Variants in SNX13 observed in about 807,000 individuals in gnomAD.
SNX13 encodes sorting nexin 13.
Under a neutral mutation model 133.6 loss-of-function variants are expected in SNX13, and 45 were observed. The ratio of observed to expected loss-of-function variants is 0.34; its 90% CI spans 0.27 to 0.43. SNX13 has a LOEUF of 0.43. Ranked by LOEUF, SNX13 falls within the 20% of genes least tolerant of loss-of-function variation. The pLI is 1.00. For missense variants in SNX13, 1,032 were observed against 1,145.1 expected (o/e 0.90, Z 1.43); for synonymous variants, 414 against 373.9 (o/e 1.11, Z -1.24).
intron 9 of SNX13, among the ~76,000 whole-genome samples, chr7:17,867,801 T>C (rs1793583983): frequency 1.3e-5 from 2 of 152,134 alleles, no homozygotes; most frequent in Non-Finnish European, 2.9e-5. Flanking sequence ...ATCAAAGTAT[T>C]CCCAGAAGGT....
chr7:17,837,271 C>T (rs1034787355), intron 13 of SNX13, among the ~76,000 whole-genome samples: 1 of 151,960 alleles, frequency 6.6e-6, no homozygotes, highest in Non-Finnish European at 1.5e-5. Context: ...GCTAAGAATA[C>T]AGCCTTGTGC....
At chr7:17,862,373 AT>A (rs2128338800) in intron 9 of SNX13, among the ~76,000 whole-genome samples, 1 of 152,314 alleles carries the variant, frequency 6.6e-6, no homozygotes, top group African/African-American at 2.4e-5. Context: ...TAAATTTTGC[AT>A]GTAAGTTTCT....
chr7:17,802,016 G>A (rs563526603), intron 21 of SNX13, among the ~76,000 whole-genome samples: 1 of 152,054 alleles, frequency 6.6e-6, no homozygotes, highest in East Asian at 1.9e-4. Context: ...GGTCCCATAA[G>A]ATTGTAATAC....
chr7:17,848,050 T>C (rs1476441173), intron 11 of SNX13, among the ~76,000 whole-genome samples: 2 of 152,066 alleles, frequency 1.3e-5, no homozygotes, highest in Non-Finnish European at 2.9e-5. Context: ...GTTTTCCTGC[T>C]CGAATGTTGC....
At chr7:17,827,129 G>A (rs981075024) in intron 16 of SNX13, among the ~76,000 whole-genome samples, 1 of 151,896 alleles carries the variant, frequency 6.6e-6, no homozygotes, top group Non-Finnish European at 1.5e-5. Context: ...GAATTTTCCT[G>A]GTGGCAACAT....
chr7:17,892,153 T>C (rs1235827050), intron 3 of SNX13, among the ~76,000 whole-genome samples: 1 of 151,898 alleles, frequency 6.6e-6, no homozygotes, highest in Non-Finnish European at 1.5e-5. Flanking sequence ...GGGAGATTCT[T>C]AAAAAAACAA....
intron 1 of SNX13, among the ~76,000 whole-genome samples, chr7:17,913,698 C>G (rs1395285277): frequency 3.6e-5 from 5 of 139,098 alleles, no homozygotes; most frequent in African/African-American, 1.4e-4. Context: ...GTCATACCCT[C>G]AAGGGAAAAC....
At chr7:17,837,876 G>T (rs1789335571) in intron 13 of SNX13, among the ~76,000 whole-genome samples, 1 of 150,938 alleles carries the variant, frequency 6.6e-6, no homozygotes, top group African/African-American at 2.4e-5. Flanking sequence ...TTTAAAAATA[G>T]GAGTCATTTT....
At chr7:17,890,143 C>T (rs1796473149) in intron 5 of SNX13, 2 of 367,788 alleles carry the variant, frequency 5.4e-6, no homozygotes, top group Non-Finnish European at 9.6e-6. Context: ...ACTTAGAAAG[C>T]AGGGCTTAAT....
intron 13 of SNX13, 89 bp downstream of exon 13, chr7:17,839,718 G>C: frequency 2.0e-6 from 2 of 1,006,560 alleles, no homozygotes; most frequent in Non-Finnish European, 2.8e-6. Context: ...CAATGTTTTC[G>C]AGGTAGTCAG....
chr7:17,859,173 A>T (rs1792306740), intron 9 of SNX13, among the ~76,000 whole-genome samples: 1 of 152,126 alleles, frequency 6.6e-6, no homozygotes, highest in South Asian at 2.1e-4. Flanking sequence ...TAACCTAGGG[A>T]ATAATATCTG....
intron 13 of SNX13, among the ~76,000 whole-genome samples, chr7:17,839,162 T>C (rs1358404649): frequency 1.3e-5 from 2 of 149,378 alleles, no homozygotes; most frequent in African/African-American, 4.9e-5. Flanking sequence ...TTACATAAAA[T>C]ATATTCTATA....
chr7:17,910,728 C>T (rs1221293613), intron 1 of SNX13, among the ~76,000 whole-genome samples: 1 of 152,130 alleles, frequency 6.6e-6, no homozygotes, highest in Non-Finnish European at 1.5e-5. Context: ...AAAGGAATAA[C>T]GTACTAGTAC....
intron 19 of SNX13, 53 bp downstream of exon 19, chr7:17,816,129 C>T (rs1017116975): frequency 7.0e-5 from 104 of 1,476,428 alleles, no homozygotes; most frequent in Non-Finnish European, 8.8e-5. Flanking sequence ...ACATTCTACA[C>T]CTGTGTGCTA....
intron 1 of SNX13, among the ~76,000 whole-genome samples, chr7:17,938,527 T>C (rs1399902784): frequency 1.3e-5 from 2 of 152,226 alleles, no homozygotes; most frequent in African/African-American, 2.4e-5. Context: ...AGGTGGCAAC[T>C]GCCAAGGTTG....
Position 17,793,764 on chromosome 7 carries a change from GA to G in SNX13, c.*280del, listed in dbSNP as rs890007451. The stretch of plus-strand genomic sequence containing the variant: ...ATTGCTGGAGAATGCTGATTAGTTT[GA>G]AATGGAAGAAACCAACGCCATTCTT... On this transcript the variant is annotated 3_prime_UTR_variant, in exon 26 of 26. Transcript: ENST00000428135. 1.0e-4 allele frequency: 32 copies of G among 306,158 alleles called. No homozygotes were observed. Among genetic ancestry groups the G allele is most frequent in the Middle Eastern group, 2.0e-3 (2 of 1,016 alleles). 19.0% of individuals were successfully genotyped at this position (306,158 alleles called of 1,614,324 possible). A position where few individuals can be genotyped will look rare whatever the true frequency, so the allele number is the denominator to read the frequency against.
chr7:17,797,423 G>A lies in SNX13; in HGVS notation c.2514-484C>T, dbSNP rs567179850. On this transcript the variant is annotated intron_variant, in intron 24 of 25. Coordinates refer to ENST00000428135, the MANE Select transcript of SNX13 (RefSeq NM_015132.5). The stretch of plus-strand genomic sequence containing the variant: ...AACTTACAGATGGATTGACTATAAT[G>A]GTCCTTTCACAAGTAAAACAACCCA... Among the ~76,000 whole-genome samples, 104 of 151,860 alleles carry A rather than the reference G, an allele frequency of 6.8e-4. 2 individuals carry two copies. The Middle Eastern group carries it at 0.02, about 30-fold the overall frequency.
intron 17 of SNX13, 83 bp from the exon 18 acceptor site, chr7:17,821,731 G>A (rs1787311855): frequency 1.2e-5 from 18 of 1,442,214 alleles, no homozygotes; most frequent in Admixed American, 4.5e-5. Context: ...AAAAAAGGAG[G>A]AAGATGAAGA....
chr7:17,850,572 T>A (rs2691618), intron 10 of SNX13, 137 bp from the exon 11 acceptor site: 2 of 629,594 alleles, frequency 3.2e-6, no homozygotes, highest in Non-Finnish European at 5.1e-6. Flanking sequence ...CATCTGAAAT[T>A]ATACAGTGAA....
Sources: gnomAD v4.1 joint callset for allele counts (sites outside exome capture counted in the v4.1 genomes callset) on GRCh38, gnomAD v4.1.1 for gene constraint, MANE v1.5 for transcripts, NCBI Gene and HGNC (gene_info 2026-07-23, HGNC 2026-07-21) for gene names.